Variants in KPNB1 observed in about 807,000 individuals in gnomAD.
KPNB1 encodes the protein importin subunit beta-1.
Under a neutral mutation model 113.0 loss-of-function variants are expected in KPNB1, and 7 were observed. The observed-to-expected ratio is 0.06, with a 90% CI of 0.04 to 0.12. The LOEUF is 0.12. Among genes scored for constraint, KPNB1 ranks in the 10% least tolerant of loss-of-function variants. KPNB1 has a pLI of 1.00. For synonymous variants in KPNB1, 363 were observed against 378.6 expected, an observed-to-expected ratio of 0.96 and a Z score of 0.48; for missense variants, 400 against 1,054.8, an observed-to-expected ratio of 0.38 and a Z score of 8.60.
intron 15 of KPNB1, among the ~76,000 whole-genome samples, 190 bp from the exon 16 acceptor site, chr17:47,676,218 CT>C (rs1240391484): frequency 6.6e-6 from 1 of 152,114 alleles, no homozygotes; most frequent in Non-Finnish European, 1.5e-5. Context: ...AATTAGGGCC[CT>C]TCCAGCAGTA....
intron 9 of KPNB1, among the ~76,000 whole-genome samples, chr17:47,666,488 T>C (rs1015286514): frequency 2.1e-5 from 3 of 145,708 alleles, no homozygotes; most frequent in Admixed American, 7.0e-5. Flanking sequence ...TTATATATTA[T>C]ATATTTTATA....
At chr17:47,657,095 C>A in intron 4 of KPNB1, 35 bp downstream of exon 4, 1 of 1,536,374 alleles carries the variant, frequency 6.5e-7, no homozygotes. Flanking sequence ...GTTTATATAC[C>A]TCTGATTGCC....
intron 9 of KPNB1, among the ~76,000 whole-genome samples, chr17:47,665,977 G>A (rs1188270365): frequency 1.3e-5 from 2 of 152,148 alleles, no homozygotes; most frequent in African/African-American, 4.8e-5. Flanking sequence ...GCTAAGTAGG[G>A]ATGTGTTTGG....
chr17:47,654,776 C>T (rs925929971), intron 3 of KPNB1, among the ~76,000 whole-genome samples: 3 of 152,176 alleles, frequency 2.0e-5, no homozygotes, highest in African/African-American at 7.2e-5. Context: ...GTGCACTCCA[C>T]ATATGTACTA....
chr17:47,679,409 C>A (rs892481367), intron 19 of KPNB1, among the ~76,000 whole-genome samples: 1 of 152,100 alleles, frequency 6.6e-6, no homozygotes, highest in Non-Finnish European at 1.5e-5. Flanking sequence ...GTTACGTGTT[C>A]TTGTTGCTGA....
chr17:47,655,227 C>T (rs577012941), intron 3 of KPNB1, among the ~76,000 whole-genome samples: 7 of 152,274 alleles, frequency 4.6e-5, no homozygotes, highest in South Asian at 2.1e-4. Context: ...TAGCTGATCA[C>T]GGTAATAATT....
chr17:47,665,757 G>A (rs1200550380), intron 9 of KPNB1, among the ~76,000 whole-genome samples: 1 of 152,170 alleles, frequency 6.6e-6, no homozygotes, highest in Non-Finnish European at 1.5e-5. Flanking sequence ...ACCGTGTCCT[G>A]GTTGCTTTTG....
At chr17:47,657,192 T>C in intron 4 of KPNB1, 132 bp downstream of exon 4, 1 of 752,322 alleles carries the variant, frequency 1.3e-6, no homozygotes, top group Non-Finnish European at 2.3e-6. Context: ...AAAGTGAGAC[T>C]GATTTATTTC....
At position 47,682,657 on chromosome 17, in the gene KPNB1, G is replaced by C; in HGVS notation, c.*253G>C. The C allele has an allele frequency of 7.5e-6, 4 of 535,332 alleles. No individual in the cohort carries two copies. Among genetic ancestry groups the C allele is most frequent in the Non-Finnish European group, 1.3e-5 (4 of 302,926 alleles). 33.2% of individuals were successfully genotyped at this position (535,332 alleles called of 1,614,324 possible). On this transcript the variant is annotated 3_prime_UTR_variant, in exon 22 of 22. Transcript: ENST00000290158. ...ATAACATCGGCCATCTTGGAAAAGA[G>C]AAAAACAATGGAGTTACTTATTTAA... is the stretch of plus-strand genomic sequence containing the variant.
chr17:47,680,720 G>T (rs375442997), intron 21 of KPNB1, 51 bp downstream of exon 21: 51 of 1,563,790 alleles, frequency 3.3e-5, no homozygotes, highest in Non-Finnish European at 4.3e-5. Context: ...GGAGGAGGGG[G>T]GTATGTTTTC....
At chr17:47,675,892 T>C (rs2030602474) in intron 15 of KPNB1, among the ~76,000 whole-genome samples, 1 of 152,294 alleles carries the variant, frequency 6.6e-6, no homozygotes, top group East Asian at 1.9e-4. Context: ...TCTGTCAACA[T>C]GTGACCACTC....
At chr17:47,673,381 T>C in intron 13 of KPNB1, 109 bp from the exon 14 acceptor site, 2 of 1,011,814 alleles carry the variant, frequency 2.0e-6, no homozygotes, top group East Asian at 4.8e-5. Flanking sequence ...TATGGGTTTT[T>C]TGTTGCTGTT....
intron 5 of KPNB1, among the ~76,000 whole-genome samples, chr17:47,659,741 TTTAAGAAACAGGATATA>T (rs1252758315): frequency 6.6e-6 from 1 of 152,112 alleles, no homozygotes; most frequent in Non-Finnish European, 1.5e-5. Context: ...GGAAGGTGTT[TTTAAGAAACAGGATATA>T]TAGCCAGGTG....
At chr17:47,679,723 A>G (rs1228509465) in intron 19 of KPNB1, among the ~76,000 whole-genome samples, 6 of 151,136 alleles carry the variant, frequency 4.0e-5, no homozygotes, top group Non-Finnish European at 7.4e-5. Flanking sequence ...TTGAGATGGA[A>G]TCTTGCTCTG....
intron 2 of KPNB1, chr17:47,651,465 C>T (rs1190947942): frequency 2.0e-6 from 1 of 508,616 alleles, no homozygotes; most frequent in East Asian, 1.5e-4. Context: ...AGTGACAAGG[C>T]TTATTTTATA....
intron 1 of KPNB1, 42 bp downstream of exon 1, chr17:47,650,326 T>TG (rs1915498604): frequency 4.3e-6 from 7 of 1,609,666 alleles, no homozygotes; most frequent in Admixed American, 1.7e-5. Flanking sequence ...GTGATTGGGG[T>TG]GGGGGAGGGG....
chr17:47,651,443 C>A, intron 2 of KPNB1: 1 of 680,544 alleles, frequency 1.5e-6, no homozygotes, highest in Non-Finnish European at 1.8e-6. Context: ...GGCAAAATGT[C>A]AACATCAACA....
chr17:47,664,040 T>C (rs2030192091), intron 7 of KPNB1, 119 bp from the exon 8 acceptor site: 2 of 640,680 alleles, frequency 3.1e-6, no homozygotes, highest in Admixed American at 2.5e-5. Flanking sequence ...CTTTCAAGCC[T>C]AGCTTCCTTT....
chr17:47,660,642 G>C (rs74737283), intron 5 of KPNB1, among the ~76,000 whole-genome samples: 6,740 of 152,280 alleles, frequency 0.044, 218 homozygotes, highest in Middle Eastern at 0.16. Context: ...GATTTTGGAA[G>C]ATTTAGGAGG....
Sources: allele counts gnomAD v4.1 joint callset (sites outside exome capture counted in the v4.1 genomes callset), GRCh38; gene constraint gnomAD v4.1.1; transcripts MANE v1.5; gene names NCBI Gene and HGNC (gene_info 2026-07-23, HGNC 2026-07-21).